FOXJ3: variants seen among roughly 807,000 people sequenced by gnomAD.
FOXJ3 encodes the protein forkhead box J3.
Under a neutral mutation model 76.1 loss-of-function variants are expected in FOXJ3, and 22 were observed. The observed-to-expected ratio is 0.29, with a 90% confidence interval of 0.21 to 0.41. The LOEUF is 0.41. FOXJ3 is among the 10% of genes least tolerant of loss of function. The pLI is 1.00. For synonymous variants in FOXJ3, 269 were observed against 261.2 expected (o/e 1.03, Z -0.29); for missense variants, 613 against 762.1 (o/e 0.80, Z 2.30).
intron 7 of FOXJ3, among the ~76,000 whole-genome samples, chr1:42,195,860 A>G (rs887170816): frequency 4.6e-5 from 7 of 152,250 alleles, no homozygotes. Flanking sequence ...CAAACCATAT[A>G]GGCAAGGCTC....
At chr1:42,234,146 A>C (rs997822236) in intron 4 of FOXJ3, among the ~76,000 whole-genome samples, 3 of 151,950 alleles carry the variant, frequency 2.0e-5, no homozygotes, top group African/African-American at 7.3e-5. Context: ...CATTTCATTC[A>C]TTTGATCTTC....
chr1:42,258,245 G>A (rs977801024), intron 4 of FOXJ3, among the ~76,000 whole-genome samples: 7 of 151,928 alleles, frequency 4.6e-5, no homozygotes, highest in Admixed American at 2.6e-4. Context: ...GTTTATTTTG[G>A]CAATCCAACT....
Position 42,265,111 on chromosome 1 carries a change from C to T in FOXJ3, c.444+4G>A. On this transcript the variant is annotated splice_donor_region_variant and intron_variant, in intron 4 of 12. Coordinates refer to ENST00000361346, the MANE Select transcript of FOXJ3 (RefSeq NM_014947.5). ...TTCAACTGTTTTAAGAAGATGAATC[C>T]TACCTTTCCAGGGTCATCCTTAGAT... 1 of 1,543,506 alleles carries T rather than the reference C, an allele frequency of 6.5e-7. No individual in the cohort carries two copies. The highest frequency in any genetic ancestry group is 1.1e-5 in the South Asian group (1 of 89,310).
intron 1 of FOXJ3, among the ~76,000 whole-genome samples, chr1:42,312,650 G>A (rs1324727715): frequency 2.0e-5 from 3 of 152,176 alleles, no homozygotes; most frequent in Non-Finnish European, 4.4e-5. Context: ...CAAAAACTAG[G>A]TGAAACAGTG....
intron 5 of FOXJ3, among the ~76,000 whole-genome samples, chr1:42,208,728 G>A (rs956821192): frequency 5.3e-5 from 8 of 152,112 alleles, no homozygotes; most frequent in African/African-American, 1.2e-4. Flanking sequence ...GATGCTCTTC[G>A]ACTTATGATG....
rs1048675750 is a variant in FOXJ3, at chr1:42,264,972, C to T, written c.444+143G>A. ...CTAGTTAGGTTCCCACAGCTTAAAA[C>T]TCTCTAACAAGCTTTAGAGCAGGGT... On this transcript the variant is annotated intron_variant, in intron 4 of 12. Transcript: ENST00000361346. 4.9e-5 allele frequency: 34 copies of T among 700,270 alleles called. No homozygotes were observed. The Admixed American group carries it at 5.5e-4, about 11-fold the overall frequency. 43.4% of individuals were successfully genotyped at this position (700,270 alleles called of 1,614,324 possible). A position where few individuals can be genotyped will look rare whatever the true frequency, so the allele number is the denominator to read the frequency against.
At position 42,303,608 on chromosome 1, in the gene FOXJ3, G is replaced by A. The variant is rs1038085588; in HGVS notation, c.44+7442C>T. On this transcript the variant is annotated intron_variant, in intron 2 of 12. Coordinates refer to ENST00000361346, the MANE Select transcript of FOXJ3 (RefSeq NM_014947.5). ...TATTTCTATGTGTTCCCTGGCATAC[G>A]CTAAGTAGACAAATTAGATCAATAA... 3.3e-5 allele frequency among the ~76,000 whole-genome samples: 5 copies of A among 152,176 alleles called. No individual in the cohort carries two copies. The East Asian group carries it at 7.7e-4, about 23-fold the overall frequency.
At chr1:42,324,604 G>A (rs571464988) in intron 1 of FOXJ3, among the ~76,000 whole-genome samples, 40 of 152,078 alleles carry the variant, frequency 2.6e-4, no homozygotes, top group African/African-American at 9.6e-4. Context: ...AACCTAGATG[G>A]TAGAGCCTAC....
rs1317766829 is a variant in FOXJ3, at chr1:42,244,547, AGAGCAAAACT to A, written c.445-16591_445-16582del. ...AAATTAAGAAAACAGAATAAAGGTC[AGAGCAAAACT>A]AAACAAAAGAGGTTTAAAAAATACA... On this transcript the variant is annotated intron_variant, in intron 4 of 12. Coordinates refer to ENST00000361346, the MANE Select transcript of FOXJ3 (RefSeq NM_014947.5). 7.2e-5 allele frequency among the ~76,000 whole-genome samples: 11 copies of A among 152,192 alleles called. No individual in the cohort carries two copies. In the South Asian group the frequency reaches 1.2e-3, roughly 17 times the overall value.
intron 11 of FOXJ3, among the ~76,000 whole-genome samples, chr1:42,183,676 T>C (rs941737953): frequency 2.0e-5 from 3 of 152,004 alleles, no homozygotes; most frequent in Non-Finnish European, 4.4e-5. Context: ...AACTAAAAAA[T>C]AGTAATCATT....
intron 2 of FOXJ3, among the ~76,000 whole-genome samples, chr1:42,300,490 C>T (rs772666442): frequency 1.3e-5 from 2 of 151,862 alleles, no homozygotes; most frequent in African/African-American, 2.4e-5. Flanking sequence ...AATTCTTGGC[C>T]GGTGGTTGTG....
intron 12 of FOXJ3, 44 bp from the exon 13 acceptor site, chr1:42,179,869 GA>G (rs779302139): frequency 1.6e-6 from 2 of 1,261,026 alleles, no homozygotes; most frequent in Admixed American, 3.4e-5. Context: ...GGGTAGAGAA[GA>G]AAGTAAGAAA....
At position 42,232,559 on chromosome 1, in the gene FOXJ3, C is replaced by G. The variant is rs1212685213; in HGVS notation, c.445-4593G>C. ...TTCTCTGATGGCCAGTGATGATGAGCATTTTTTCATGTGTCTTTTGGCTGC... is the reference window on the plus strand; with the variant it reads ...TTCTCTGATGGCCAGTGATGATGAGGATTTTTTCATGTGTCTTTTGGCTGC... On this transcript the variant is annotated intron_variant, in intron 4 of 12. Transcript: ENST00000361346. Among the ~76,000 whole-genome samples, 5 of 150,046 alleles carry G rather than the reference C, an allele frequency of 3.3e-5. No individual in the cohort carries two copies. In the Admixed American group the frequency reaches 3.3e-4, roughly 10 times the overall value.
intron 1 of FOXJ3, among the ~76,000 whole-genome samples, chr1:42,313,590 C>G (rs781368091): frequency 8.2e-4 from 125 of 152,146 alleles, no homozygotes; most frequent in Admixed American, 1.7e-3. Context: ...CACAATAAAC[C>G]ACAAGGAATG....
At chr1:42,237,425 T>TATATATATAC (rs1230334965) in intron 4 of FOXJ3, among the ~76,000 whole-genome samples, 8 of 137,484 alleles carry the variant, frequency 5.8e-5, no homozygotes, top group Non-Finnish European at 1.1e-4. Context: ...TATATATATA[T>TATATATATAC]ATACATACAT....
chr1:42,235,079 T>G (rs1176120195), intron 4 of FOXJ3, among the ~76,000 whole-genome samples: 1 of 152,214 alleles, frequency 6.6e-6, no homozygotes, highest in Non-Finnish European at 1.5e-5. Flanking sequence ...CCGCTTTGTT[T>G]ACCTACTCAA....
intron 5 of FOXJ3, among the ~76,000 whole-genome samples, chr1:42,210,072 GTGTGAGACCTGTGTTGCCAA>G (rs1393205682): frequency 1.3e-5 from 2 of 152,226 alleles, no homozygotes; most frequent in Non-Finnish European, 2.9e-5. Flanking sequence ...AAAACACTGG[GTGTGAGACCTGTGTTGCCAA>G]GTCCGTGGGA....
intron 6 of FOXJ3, among the ~76,000 whole-genome samples, chr1:42,201,182 A>G (rs1646758144): frequency 6.6e-6 from 1 of 152,168 alleles, no homozygotes; most frequent in South Asian, 2.1e-4. Context: ...ATTTTCTGTG[A>G]TCATCTGTGG....
At chr1:42,222,043 A>G (rs868319124) in intron 5 of FOXJ3, among the ~76,000 whole-genome samples, 3 of 49,150 alleles carry the variant, frequency 6.1e-5, no homozygotes, top group African/African-American at 1.6e-4. Flanking sequence ...GGAGAAGGAG[A>G]AGGAGAAGAA....
Sources: gnomAD v4.1 joint callset for allele counts (sites outside exome capture counted in the v4.1 genomes callset) on GRCh38, gnomAD v4.1.1 for gene constraint, MANE v1.5 for transcripts, NCBI Gene and HGNC (gene_info 2026-07-23, HGNC 2026-07-21) for gene names.